Variants in STK32B observed in about 807,000 individuals in gnomAD.
STK32B encodes serine/threonine-protein kinase 32B.
STK32B carries 43 observed loss-of-function variants against 52.6 expected under a neutral mutation model. The observed-to-expected ratio is 0.82, with a 90% CI of 0.64 to 1.05. The LOEUF (loss-of-function observed/expected upper bound fraction) is 1.05. Ranked by LOEUF, STK32B falls within the 50% of genes least tolerant of loss-of-function variation. The pLI is 0.00. For synonymous variants in STK32B, 238 were observed against 204.3 expected, an observed-to-expected ratio of 1.17 and a Z score of -1.41; for missense variants, 621 against 534.6, an observed-to-expected ratio of 1.16 and a Z score of -1.59.
chr4:5,068,688 T>C (rs1711567940), intron 1 of STK32B, among the ~76,000 whole-genome samples: 1 of 152,208 alleles, frequency 6.6e-6, no homozygotes, highest in African/African-American at 2.4e-5. Context: ...CTACCTGTAC[T>C]ATTGTTTAAT....
chr4:5,236,289 G>A (rs939656910), intron 3 of STK32B, among the ~76,000 whole-genome samples: 6 of 151,948 alleles, frequency 3.9e-5, no homozygotes, highest in Non-Finnish European at 7.4e-5. Context: ...CTACAATCAA[G>A]CCTCCCCTCC....
intron 3 of STK32B, among the ~76,000 whole-genome samples, chr4:5,316,787 ATATATATTATATAT>A (rs372051403): frequency 8.7e-5 from 1 of 11,528 alleles, no homozygotes; most frequent in Non-Finnish European, 1.1e-4. Flanking sequence ...TATATTATAC[ATATATATTATATAT>A]TATATATATT....
intron 1 of STK32B, among the ~76,000 whole-genome samples, chr4:5,067,488 C>A (rs1054207352): frequency 1.3e-5 from 2 of 152,060 alleles, no homozygotes; most frequent in Non-Finnish European, 2.9e-5. Context: ...TCAGAATAGA[C>A]TAAGGAAAAT....
rs150033955 is a variant in STK32B at position 5,213,114 on chromosome 4, C to T, written c.260+44664C>T. On this transcript the variant is annotated intron_variant, in intron 3 of 11. Transcript: ENST00000282908. ...ACTGCTGTTTTCAGGACACTTTTAA[C>T]CCATTATTGCTTTTCACTGTGATTT... 4.5e-3 allele frequency among the ~76,000 whole-genome samples: 681 copies of T among 152,234 alleles called. 6 individuals carry two copies. Among genetic ancestry groups the T allele is most frequent in the Middle Eastern group, 0.024 (7 of 294 alleles).
intron 3 of STK32B, among the ~76,000 whole-genome samples, chr4:5,236,358 A>T (rs1190358993): frequency 1.3e-5 from 2 of 152,178 alleles, no homozygotes; most frequent in African/African-American, 4.8e-5. Context: ...CTTACTTAAA[A>T]AACTTAAATA....
intron 4 of STK32B, among the ~76,000 whole-genome samples, chr4:5,356,136 T>C (rs1734157140): frequency 6.6e-6 from 1 of 152,106 alleles, no homozygotes; most frequent in African/African-American, 2.4e-5. Flanking sequence ...GAGGTGGCTT[T>C]ATATCTGACT....
At chr4:5,033,950 T>G in the STK32B span, among the ~76,000 whole-genome samples, 581 of 152,294 alleles carry the variant, frequency 3.8e-3, no homozygotes, top group Non-Finnish European at 4.6e-3. Context: ...TCACAAACTT[T>G]CAAAAGGTGT....
intron 3 of STK32B, among the ~76,000 whole-genome samples, chr4:5,320,102 C>T (rs182515787): frequency 3.3e-5 from 5 of 152,258 alleles, no homozygotes; most frequent in African/African-American, 1.2e-4. Flanking sequence ...TCTACCTAGA[C>T]GTCTCTTCCC....
At chr4:5,027,089 A>G in the STK32B span, among the ~76,000 whole-genome samples, 4 of 152,192 alleles carry the variant, frequency 2.6e-5, no homozygotes, top group Non-Finnish European at 5.9e-5. Flanking sequence ...CTAGCCGGAC[A>G]TTGCCTCTGG....
intron 11 of STK32B, among the ~76,000 whole-genome samples, chr4:5,478,470 G>A (rs1400099118): frequency 6.6e-6 from 1 of 152,194 alleles, no homozygotes; most frequent in Non-Finnish European, 1.5e-5. Context: ...GAACTTTAAT[G>A]CTTCTGGCCA....
At chr4:5,101,282 G>C (rs1213644600) in intron 1 of STK32B, among the ~76,000 whole-genome samples, 17 of 152,210 alleles carry the variant, frequency 1.1e-4, no homozygotes, top group African/African-American at 3.6e-4. Flanking sequence ...CTTCCCGGGA[G>C]GGTCTGCACT....
rs1207951627 is a variant in STK32B at position 5,175,435 on chromosome 4, T to C, written c.260+6985T>C. ...TGTTTTTTCCTCATCTTTTTGGTTT[T>C]ATCTACCTTTGGTCTTTGACGATGG... On this transcript the variant is annotated intron_variant, in intron 3 of 11. Coordinates refer to ENST00000282908, the MANE Select transcript of STK32B (RefSeq NM_018401.3). Among the ~76,000 whole-genome samples, 31 of 152,256 alleles carry C rather than the reference T, an allele frequency of 2.0e-4. 1 individual carries two copies. Among genetic ancestry groups the C allele is most frequent in the Admixed American group, 2.0e-3 (31 of 15,282 alleles).
chr4:5,474,901 G>A (rs1381815760), intron 11 of STK32B, among the ~76,000 whole-genome samples: 3 of 152,178 alleles, frequency 2.0e-5, no homozygotes, highest in East Asian at 1.9e-4. Flanking sequence ...GTGGAGGGGA[G>A]GGAAGAGCTC....
At chr4:5,416,656 G>A (rs2301858) in intron 5 of STK32B, among the ~76,000 whole-genome samples, 189 bp from the exon 6 acceptor site, 80,307 of 151,988 alleles carry the variant, frequency 0.53, 23,297 homozygotes, top group Middle Eastern at 0.72. Context: ...ATATGCATAA[G>A]TTACCAAATG....
At chr4:5,140,127 A>C (rs969689374) in intron 2 of STK32B, 167 bp downstream of exon 2, 8 of 1,412,248 alleles carry the variant, frequency 5.7e-6, no homozygotes, top group Middle Eastern at 1.8e-4. Flanking sequence ...GATCTGGTGT[A>C]ATTTTCTTCT....
chr4:5,367,916 A>G (rs1734980621), intron 4 of STK32B, among the ~76,000 whole-genome samples: 2 of 152,136 alleles, frequency 1.3e-5, no homozygotes, highest in African/African-American at 2.4e-5. Context: ...ATCGCCGCCC[A>G]GGGGTGGCTT....
chr4:5,179,912 A>G (rs959953114), intron 3 of STK32B, among the ~76,000 whole-genome samples: 1 of 152,210 alleles, frequency 6.6e-6, no homozygotes, highest in African/African-American at 2.4e-5. Context: ...TGCCAGCTGA[A>G]CAGCCCCAGC....
At chr4:5,304,892 C>T (rs182850218) in intron 3 of STK32B, among the ~76,000 whole-genome samples, 210 of 152,118 alleles carry the variant, frequency 1.4e-3, no homozygotes, top group African/African-American at 4.7e-3. Flanking sequence ...GGTTTTTAAT[C>T]ATAAAGCATT....
At chr4:5,252,937 C>T (rs1726040268) in intron 3 of STK32B, among the ~76,000 whole-genome samples, 1 of 152,140 alleles carries the variant, frequency 6.6e-6, no homozygotes. Flanking sequence ...AACCCGCTCA[C>T]TGTGCACCAT....
Sources: allele counts gnomAD v4.1 joint callset (sites outside exome capture counted in the v4.1 genomes callset), GRCh38; gene constraint gnomAD v4.1.1; transcripts MANE v1.5; gene names NCBI Gene and HGNC (gene_info 2026-07-23, HGNC 2026-07-21).